The following U2SURP variants were observed in gnomAD, a reference collection of about 807,000 sequenced individuals.
U2SURP encodes U2 snRNP associated SURP domain containing, also known as U2 snRNP-associated SURP motif-containing protein.
In U2SURP, 9 loss-of-function variants were observed where a neutral mutation model predicts 144.9. That is an observed-to-expected ratio of 0.06 (90% CI 0.04 to 0.11). U2SURP has a LOEUF of 0.11. Ranked by LOEUF, U2SURP falls within the 10% of genes least tolerant of loss-of-function variation. The probability of loss-of-function intolerance (pLI) is 1.00; values close to 1 mark genes in which losing one functional copy is unlikely to be tolerated. For synonymous variants in U2SURP, 408 were observed against 396.8 expected (o/e 1.03, Z -0.33); for missense variants, 724 against 1,226.7 (o/e 0.59, Z 6.12).
intron 24 of U2SURP, among the ~76,000 whole-genome samples, chr3:143,047,090 A>C: frequency 9.4e-6 from 1 of 106,522 alleles, no homozygotes; most frequent in African/African-American, 4.3e-5. Flanking sequence ...CTGGCCGGGC[A>C]GAGGGGCTCC....
intron 21 of U2SURP, 74 bp from the exon 22 acceptor site, chr3:143,038,034 G>T (rs1336955538): frequency 4.8e-6 from 5 of 1,037,860 alleles, no homozygotes; most frequent in South Asian, 1.9e-5. Flanking sequence ...TAATAATATG[G>T]TGAATACCCA....
chr3:143,018,655 G>C (rs1464801753), intron 6 of U2SURP, among the ~76,000 whole-genome samples: 2 of 151,866 alleles, frequency 1.3e-5, no homozygotes, highest in Non-Finnish European at 2.9e-5. Context: ...CAAAGTGGTT[G>C]TATCACTTTA....
chr3:143,019,863 T>G (rs1210556731), intron 6 of U2SURP, 106 bp from the exon 7 acceptor site: 1 of 485,978 alleles, frequency 2.1e-6, no homozygotes, highest in Non-Finnish European at 3.4e-6. Flanking sequence ...TTTAAATAAT[T>G]AGAACATACA....
intron 13 of U2SURP, chr3:143,025,708 ATTTGAGG>A (rs1933106166): frequency 6.6e-6 from 1 of 152,120 alleles, no homozygotes; most frequent in Admixed American, 6.6e-5. Flanking sequence ...TGTTTTGACA[ATTTGAGG>A]TTGAATTAGT....
At position 143,057,407 on chromosome 3, in the gene U2SURP, C is replaced by G. The variant is rs957737316; in HGVS notation, c.*957C>G. On this transcript the variant is annotated 3_prime_UTR_variant, in exon 28 of 28. Coordinates refer to ENST00000473835, the MANE Select transcript of U2SURP (RefSeq NM_001080415.2). ...TTAAACAGCTTAGTTGGTCCCCCCC[C>G]ACTCCCAAGAGACTTGGGTTTAGTT... 1 of 151,642 alleles carries G rather than the reference C, an allele frequency of 6.6e-6. No individual in the cohort carries two copies. Among genetic ancestry groups the G allele is most frequent in the Non-Finnish European group, 1.5e-5 (1 of 67,656 alleles). 9.4% of individuals were successfully genotyped at this position (151,642 alleles called of 1,614,324 possible).
intron 24 of U2SURP, among the ~76,000 whole-genome samples, chr3:143,044,778 C>A (rs1934332211): frequency 6.6e-6 from 1 of 152,204 alleles, no homozygotes; most frequent in Non-Finnish European, 1.5e-5. Flanking sequence ...ATTGCCACTT[C>A]TCCACATAGT....
At position 143,010,789 on chromosome 3, in the gene U2SURP, T is replaced by C. The variant is rs746208414; in HGVS notation, c.46-26T>C. The C allele has an allele frequency of 3.8e-6, 6 of 1,581,254 alleles. No homozygotes were observed. In the East Asian group the frequency reaches 9.0e-5, roughly 24 times the overall value. ...TGTTAGTATAAGACATTTTAAATTA[T>C]TGACTTTTATTTTTGATACTTGTAG... On this transcript the variant is annotated intron_variant, in intron 1 of 27. Transcript: ENST00000473835.
chr3:143,019,823 AATG>A (rs1217477523), intron 6 of U2SURP, 143 bp from the exon 7 acceptor site: 10 of 385,430 alleles, frequency 2.6e-5, no homozygotes, highest in Admixed American at 9.4e-5. Flanking sequence ...AGGGAGGTTC[AATG>A]ATAAGAAAAG....
intron 4 of U2SURP, among the ~76,000 whole-genome samples, chr3:143,015,333 TTTG>T (rs1936315389): frequency 1.3e-5 from 2 of 152,120 alleles, no homozygotes; most frequent in African/African-American, 2.4e-5. Flanking sequence ...TTTTTCTCAC[TTTG>T]TTGATTGTCT....
intron 7 of U2SURP, among the ~76,000 whole-genome samples, chr3:143,020,309 A>G (rs1419622114): frequency 1.3e-5 from 2 of 152,152 alleles, no homozygotes; most frequent in African/African-American, 4.8e-5. Context: ...ACTCACTGGG[A>G]TGGGAGTGAG....
chr3:143,004,575 C>A (rs1935730317), intron 1 of U2SURP, among the ~76,000 whole-genome samples: 1 of 71,346 alleles, frequency 1.4e-5, no homozygotes, highest in Admixed American at 1.3e-4. Flanking sequence ...ACCTTGTGAC[C>A]CCCCCCCCCC....
Position 143,059,257 on chromosome 3 carries a change from CT to C in U2SURP, c.*2811del, listed in dbSNP as rs1935279373. 1 of 152,318 alleles carries C rather than the reference CT, an allele frequency of 6.6e-6. No homozygotes were observed. Among genetic ancestry groups the C allele is most frequent in the Non-Finnish European group, 1.5e-5 (1 of 67,798 alleles). The allele number at this position is 152,318 out of a possible 1,614,324, so 9.4% of individuals were successfully genotyped here. A position where few individuals can be genotyped will look rare whatever the true frequency, so the allele number is the denominator to read the frequency against. On this transcript the variant is annotated 3_prime_UTR_variant, in exon 28 of 28. Coordinates refer to ENST00000473835, the MANE Select transcript of U2SURP (RefSeq NM_001080415.2). ...TTTATTTGGCTCAGAATGTTTTTGG[CT>C]TTTCTGCTAAAGATGGCAGAAATTA...
In U2SURP at chr3:143,058,081, T is replaced by C. The variant is rs1935229545; in HGVS notation, c.*1631T>C. The C allele has an allele frequency of 6.6e-6, 1 of 152,364 alleles. No individual in the cohort carries two copies. The highest frequency in any genetic ancestry group is 1.5e-5 in the Non-Finnish European group (1 of 67,832). 9.4% of individuals were successfully genotyped at this position (152,364 alleles called of 1,614,324 possible). A position where few individuals can be genotyped will look rare whatever the true frequency, so the allele number is the denominator to read the frequency against. Reference sequence around the variant, plus strand: ...GTTCAGAATAATTAAAAGTGAACATTTGGTGCTGATACTCAAAAACCTACA... The same window carrying C: ...GTTCAGAATAATTAAAAGTGAACATCTGGTGCTGATACTCAAAAACCTACA... On this transcript the variant is annotated 3_prime_UTR_variant, in exon 28 of 28. Coordinates refer to ENST00000473835, the MANE Select transcript of U2SURP (RefSeq NM_001080415.2).
chr3:143,016,598 T>C (rs971775736), intron 5 of U2SURP, among the ~76,000 whole-genome samples: 1 of 152,136 alleles, frequency 6.6e-6, no homozygotes, highest in Non-Finnish European at 1.5e-5. Flanking sequence ...TTTAAACATA[T>C]TTAGTTCCTT....
chr3:143,041,455 G>A (rs1934100723), intron 23 of U2SURP, among the ~76,000 whole-genome samples: 1 of 151,862 alleles, frequency 6.6e-6, no homozygotes, highest in African/African-American at 2.4e-5. Flanking sequence ...GTACCTGTAT[G>A]GTGATATTAA....
chr3:143,009,353 T>G (rs1936003197), intron 1 of U2SURP, among the ~76,000 whole-genome samples: 1 of 151,910 alleles, frequency 6.6e-6, no homozygotes, highest in Non-Finnish European at 1.5e-5. Flanking sequence ...ATCCTAGCAC[T>G]TTCAGAGGCT....
intron 24 of U2SURP, among the ~76,000 whole-genome samples, chr3:143,046,862 G>A (rs1934498303): frequency 7.9e-6 from 1 of 126,438 alleles, no homozygotes; most frequent in African/African-American, 3.4e-5. Context: ...TGGTGGCCGG[G>A]TAGAGGGGCT....
At position 143,028,603 on chromosome 3, in the gene U2SURP, G is replaced by A. The variant is rs1933292055; in HGVS notation, c.1567G>A (p.Ala523Thr). Reference sequence around the variant, plus strand: ...AATGTCAGAAGAGCAAGAAACAGAAGCTTTTGTAGAGGAACCTAGTAAAAA... The same window carrying A: ...AATGTCAGAAGAGCAAGAAACAGAAACTTTTGTAGAGGAACCTAGTAAAAA... ...HGMSEEQETE[A>T]FVEEPSKKGA... The change falls in exon 16 of 28, where the codon GCT becomes ACT. Residue 523 changes from alanine (A) to threonine (T), a missense_variant. Transcript: ENST00000473835. 5 of 1,605,264 alleles carry A rather than the reference G, an allele frequency of 3.1e-6. No individual in the cohort carries two copies. Among genetic ancestry groups the A allele is most frequent in the Non-Finnish European group, 4.2e-6 (5 of 1,177,668 alleles).
chr3:143,020,629 A>G lies in U2SURP; in HGVS notation c.669A>G (p.Lys223=). 1.2e-6 allele frequency: 2 copies of G among 1,612,958 alleles called. No individual in the cohort carries two copies. Among genetic ancestry groups the G allele is most frequent in the Non-Finnish European group, 1.7e-6 (2 of 1,179,426 alleles). Residue 223 remains lysine, a synonymous_variant, in exon 8 of 28, where the codon AAA becomes AAG. Coordinates refer to ENST00000473835, the MANE Select transcript of U2SURP (RefSeq NM_001080415.2). ...AAGAGGAACGTGATGAGAGACATAA[A>G]ACAAAAGGCAGATTAAGTCGATTTG... ...QIQEERDERH[K]TKGRLSRFEP...
Sources: gnomAD v4.1 joint callset for allele counts (sites outside exome capture counted in the v4.1 genomes callset) on GRCh38, gnomAD v4.1.1 for gene constraint, MANE v1.5 for transcripts, NCBI Gene and HGNC (gene_info 2026-07-23, HGNC 2026-07-21) for gene names.